Variants in BNC2 observed in about 807,000 individuals in gnomAD.
BNC2 encodes the protein basonuclin zinc finger protein 2.
BNC2 carries 20 observed loss-of-function variants against 76.3 expected under a neutral mutation model. The ratio of observed to expected loss-of-function variants is 0.26; its 90% CI spans 0.18 to 0.38. The LOEUF is 0.38. BNC2 is among the 10% of genes least tolerant of loss of function. BNC2 has a pLI of 1.00. For missense variants in BNC2, 1,382 were observed against 1,399.8 expected (o/e 0.99, Z 0.20); for synonymous variants, 582 against 514.8 (o/e 1.13, Z -1.77).
intron 3 of BNC2, among the ~76,000 whole-genome samples, chr9:16,638,321 C>G (rs1331407875): frequency 1.3e-5 from 2 of 152,096 alleles, no homozygotes; most frequent in Non-Finnish European, 2.9e-5. Context: ...AAAGTTGTTT[C>G]TAAATCAACT....
intron 3 of BNC2, among the ~76,000 whole-genome samples, chr9:16,650,108 T>G (rs1328241167): frequency 6.6e-6 from 1 of 152,126 alleles, no homozygotes; most frequent in Admixed American, 6.6e-5. Context: ...AAATGCACAG[T>G]TGGTTTCAAA....
chr9:16,776,039 T>G (rs1825957182), intron 1 of BNC2, among the ~76,000 whole-genome samples: 1 of 152,190 alleles, frequency 6.6e-6, no homozygotes. Flanking sequence ...GGTCAGGCAC[T>G]TCTACGCTGA....
chr9:16,702,859 G>A (rs1587332414), intron 3 of BNC2, among the ~76,000 whole-genome samples: 5 of 152,294 alleles, frequency 3.3e-5, no homozygotes, highest in African/African-American at 7.2e-5. Context: ...CAGGGATAAA[G>A]TCACTTATCC....
At chr9:16,696,802 G>C (rs1423643798) in intron 3 of BNC2, among the ~76,000 whole-genome samples, 2 of 152,136 alleles carry the variant, frequency 1.3e-5, no homozygotes, top group Non-Finnish European at 1.5e-5. Flanking sequence ...GGCAAGTAGA[G>C]GCCAATAATT....
At chr9:16,604,760 G>A (rs373093021) in intron 3 of BNC2, among the ~76,000 whole-genome samples, 4 of 152,196 alleles carry the variant, frequency 2.6e-5, no homozygotes, top group East Asian at 3.9e-4. Context: ...CCGAGATCGC[G>A]TCACTACACT....
chr9:16,513,962 G>A (rs981667583), intron 5 of BNC2, among the ~76,000 whole-genome samples: 1 of 152,072 alleles, frequency 6.6e-6, no homozygotes, highest in Non-Finnish European at 1.5e-5. Context: ...TTCCGTGAAG[G>A]CCCAAAACTA....
At chr9:16,775,278 AT>A (rs1431455764) in intron 1 of BNC2, among the ~76,000 whole-genome samples, 1 of 152,086 alleles carries the variant, frequency 6.6e-6, no homozygotes, top group Non-Finnish European at 1.5e-5. Flanking sequence ...TTATAAGTAA[AT>A]GAAGAATGTC....
chr9:16,665,404 A>AG (rs1554702339), intron 3 of BNC2, among the ~76,000 whole-genome samples: 1 of 62,806 alleles, frequency 1.6e-5, no homozygotes, highest in African/African-American at 5.6e-5. Context: ...GAGAGAGAGA[A>AG]AGAGAGAAAA....
At chr9:16,665,775 A>G (rs1822273346) in intron 3 of BNC2, among the ~76,000 whole-genome samples, 1 of 152,192 alleles carries the variant, frequency 6.6e-6, no homozygotes, top group Non-Finnish European at 1.5e-5. Flanking sequence ...TATCATTACA[A>G]ACATGATCCT....
At chr9:16,662,108 G>A (rs1822126718) in intron 3 of BNC2, among the ~76,000 whole-genome samples, 1 of 152,294 alleles carries the variant, frequency 6.6e-6, no homozygotes, top group East Asian at 1.9e-4. Context: ...TTCTACTCAA[G>A]CTGTTAAACT....
chr9:16,670,677 A>G (rs1291870110), intron 3 of BNC2, among the ~76,000 whole-genome samples: 1 of 152,248 alleles, frequency 6.6e-6, no homozygotes, highest in Non-Finnish European at 1.5e-5. Flanking sequence ...GAGGTAAGAT[A>G]AAATTATTGA....
intron 1 of BNC2, among the ~76,000 whole-genome samples, chr9:16,848,194 G>C (rs67322332): frequency 6.6e-6 from 1 of 151,992 alleles, no homozygotes; most frequent in African/African-American, 2.4e-5. Flanking sequence ...AGTTAGAAAG[G>C]TTCAAAATAT....
At chr9:16,745,447 G>T (rs1477285277) in intron 1 of BNC2, among the ~76,000 whole-genome samples, 3 of 152,210 alleles carry the variant, frequency 2.0e-5, no homozygotes, top group Admixed American at 6.5e-5. Context: ...TAAAGATATG[G>T]TAACAGAAAC....
chr9:16,530,074 G>C (rs1285912510), intron 5 of BNC2, among the ~76,000 whole-genome samples: 2 of 151,990 alleles, frequency 1.3e-5, no homozygotes, highest in South Asian at 2.1e-4. Context: ...GTCTGGTCTT[G>C]AACTGCTGAC....
At chr9:16,420,921 A>T (rs1195621969) in intron 6 of BNC2, among the ~76,000 whole-genome samples, 1 of 152,170 alleles carries the variant, frequency 6.6e-6, no homozygotes, top group African/African-American at 2.4e-5. Context: ...CAAAAAATAA[A>T]CTGACATATC....
intron 3 of BNC2, among the ~76,000 whole-genome samples, chr9:16,621,618 C>G (rs1411489907): frequency 1.3e-5 from 2 of 152,094 alleles, no homozygotes; most frequent in African/African-American, 4.8e-5. Context: ...CTTTGAAAAT[C>G]CAAGTCAACC....
intron 3 of BNC2, among the ~76,000 whole-genome samples, chr9:16,698,207 T>C (rs1823395929): frequency 6.6e-6 from 1 of 152,200 alleles, no homozygotes; most frequent in African/African-American, 2.4e-5. Context: ...AATCTCTCTC[T>C]TAAGCTGTGC....
chr9:16,454,325 G>A (rs1344012322), intron 5 of BNC2, among the ~76,000 whole-genome samples: 1 of 145,780 alleles, frequency 6.9e-6, no homozygotes, highest in African/African-American at 2.7e-5. Context: ...ATTTTAGAGA[G>A]AGGGTCTCAC....
intron 3 of BNC2, among the ~76,000 whole-genome samples, chr9:16,588,518 A>G (rs985183030): frequency 6.6e-6 from 1 of 152,194 alleles, no homozygotes; most frequent in Non-Finnish European, 1.5e-5. Flanking sequence ...AAATCTCCCA[A>G]TTATGACTCA....
Sources: gnomAD v4.1 joint callset for allele counts (sites outside exome capture counted in the v4.1 genomes callset) on GRCh38, gnomAD v4.1.1 for gene constraint, MANE v1.5 for transcripts, NCBI Gene and HGNC (gene_info 2026-07-23, HGNC 2026-07-21) for gene names.